ADGRF5: variants seen among roughly 807,000 people sequenced by gnomAD.
ADGRF5 encodes adhesion G protein-coupled receptor F5.
A neutral mutation model predicts 132.3 loss-of-function variants in ADGRF5; 75 were observed. That is an observed-to-expected ratio of 0.57 (90% CI 0.47 to 0.69). The LOEUF (loss-of-function observed/expected upper bound fraction) is 0.69, where lower values mean the gene tolerates loss of function less well. Among genes scored for constraint, ADGRF5 ranks in the 30% least tolerant of loss-of-function variants. The pLI, the probability that ADGRF5 is intolerant of heterozygous loss-of-function variation, is 0.00. For synonymous variants in ADGRF5, 629 were observed against 597.6 expected (o/e 1.05, Z -0.77); for missense variants, 1,516 against 1,630.6 (o/e 0.93, Z 1.21).
At chr6:46,857,338 T>C (rs1769171919) in intron 17 of ADGRF5, among the ~76,000 whole-genome samples, 1 of 152,176 alleles carries the variant, frequency 6.6e-6, no homozygotes, top group African/African-American at 2.4e-5. Flanking sequence ...AAGGTTCATA[T>C]GTTCTTGGCA....
chr6:46,882,093 G>A lies in ADGRF5; in HGVS notation c.627C>T (p.Tyr209=), dbSNP rs140241968. 9.1e-5 allele frequency: 147 copies of A among 1,610,542 alleles called. No homozygotes were observed. The African/African-American group carries it at 1.5e-3, about 17-fold the overall frequency. Residue 209 remains tyrosine, a synonymous_variant, in exon 7 of 21, where the codon TAC becomes TAT. Transcript: ENST00000283296. ...TDLETAFRKG[Y]GILPGFKGVT... is the part of the protein sequence containing the mutation. ...CGCCCTTGAAGCCTGGTAAAATTCC[G>A]TAACCCTTCCGGAACTGAAAAATAA... is the stretch of plus-strand genomic sequence containing the variant.
At chr6:46,883,422 C>T in intron 6 of ADGRF5, 137 bp downstream of exon 6, 1 of 627,714 alleles carries the variant, frequency 1.6e-6, no homozygotes, top group South Asian at 2.0e-5. Context: ...TATTAATTCA[C>T]CATCTCAGAT....
At chr6:46,921,093 G>A (rs1212695458) in intron 1 of ADGRF5, among the ~76,000 whole-genome samples, 1 of 152,196 alleles carries the variant, frequency 6.6e-6, no homozygotes. Flanking sequence ...TTCAAAACAA[G>A]TCGGCCTGGC....
chr6:46,920,830 T>G (rs564096381), intron 1 of ADGRF5, among the ~76,000 whole-genome samples: 7 of 151,964 alleles, frequency 4.6e-5, no homozygotes, highest in Non-Finnish European at 8.8e-5. Flanking sequence ...GCCACTGCAC[T>G]CCAACCTGGG....
At chr6:46,912,503 G>C (rs541408561) in intron 1 of ADGRF5, among the ~76,000 whole-genome samples, 5 of 152,130 alleles carry the variant, frequency 3.3e-5, no homozygotes, top group Non-Finnish European at 5.9e-5. Context: ...GGCAGACGGG[G>C]TGAGGTGAGC....
At chr6:46,920,035 T>C (rs1388298189) in intron 1 of ADGRF5, among the ~76,000 whole-genome samples, 3 of 152,206 alleles carry the variant, frequency 2.0e-5, no homozygotes, top group Non-Finnish European at 2.9e-5. Context: ...ATGCATTTAT[T>C]ATCCACTGAA....
chr6:46,881,979 G>T (rs960379053), intron 7 of ADGRF5, 70 bp downstream of exon 7: 1 of 1,126,776 alleles, frequency 8.9e-7, no homozygotes, highest in Non-Finnish European at 1.4e-6. Context: ...CTCTCTAGGG[G>T]GTTTACCTCC....
At chr6:46,911,699 C>T (rs10484843) in intron 1 of ADGRF5, among the ~76,000 whole-genome samples, 9,587 of 152,008 alleles carry the variant, frequency 0.063, 1,019 homozygotes, top group African/African-American at 0.22. Context: ...ATCTATTGCA[C>T]GAAGTAAATC....
chr6:46,884,115 G>A lies in ADGRF5; in HGVS notation c.485C>T (p.Pro162Leu). ...CTTACCTTCCTGAAGCAGGCAAAAA[G>A]GTCCATTGGGAGGCAGTTCTTTAAG... The part of the protein sequence containing the change: ...SCLKELPPNG[P>L]FCLLQEDVTL... The change falls in exon 5 of 21, where the codon CCT becomes CTT. Residue 162 changes from proline to leucine, a missense_variant. Pro to Leu is a moderately conservative substitution (Grantham distance 98). Around this residue, in one of 2 missense-constraint regions of ADGRF5, gnomAD observed 945 missense variants for 929.4 expected, o/e 1.02. Transcript: ENST00000283296. 6.2e-7 allele frequency: 1 copy of A among 1,613,910 alleles called. No individual in the cohort carries two copies. The highest frequency in any genetic ancestry group is 1.1e-5 in the South Asian group (1 of 91,050).
At chr6:46,881,968 C>T in intron 7 of ADGRF5, 81 bp downstream of exon 7, 1 of 1,017,632 alleles carries the variant, frequency 9.8e-7, no homozygotes, top group Middle Eastern at 2.0e-4. Context: ...ATGAATAATG[C>T]CTCTCTAGGG....
chr6:46,925,450 C>T (rs1235645225), upstream of ADGRF5, among the ~76,000 whole-genome samples: 1 of 152,198 alleles, frequency 6.6e-6, no homozygotes, highest in Non-Finnish European at 1.5e-5. Flanking sequence ...CACCTTGCAT[C>T]CCTGGACTAG....
intron 13 of ADGRF5, 46 bp from the exon 14 acceptor site, chr6:46,865,243 T>G: frequency 3.7e-6 from 5 of 1,348,218 alleles, no homozygotes; most frequent in Non-Finnish European, 4.2e-6. Flanking sequence ...CATGAGTCTC[T>G]AATGCACAAA....
chr6:46,877,226 T>TC (rs545129816), intron 10 of ADGRF5, among the ~76,000 whole-genome samples: 2 of 16,446 alleles, frequency 1.2e-4, no homozygotes, highest in African/African-American at 2.5e-4. Context: ...TTATTTCCTC[T>TC]CTTTCTTTCT....
At chr6:46,918,655 A>G (rs1776630648) in intron 1 of ADGRF5, among the ~76,000 whole-genome samples, 1 of 152,224 alleles carries the variant, frequency 6.6e-6, no homozygotes, top group Non-Finnish European at 1.5e-5. Flanking sequence ...GAGCCAACAT[A>G]TCTACAGTGA....
intron 1 of ADGRF5, among the ~76,000 whole-genome samples, chr6:46,912,186 G>A (rs758574220): frequency 2.6e-5 from 4 of 152,148 alleles, no homozygotes; most frequent in Non-Finnish European, 4.4e-5. Flanking sequence ...TAACTCAAGA[G>A]CCCATCCCTT....
rs778922968 is a variant in ADGRF5, at chr6:46,858,660, G to C, written c.3243C>G (p.Leu1081=). Residue 1081 remains leucine, a synonymous_variant, in exon 17 of 21, where the codon CTC becomes CTG. Coordinates refer to ENST00000283296, the MANE Select transcript of ADGRF5 (RefSeq NM_001098518.2). ...TGGCAGCCACACAGGCTGTCTTGCA[G>C]AGTATGTAGCGATTGTCCTGGATGG... ...VAAIQDNRYI[L]CKTACVAATF... 1.1e-5 allele frequency: 18 copies of C among 1,614,088 alleles called. No homozygotes were observed. In the South Asian group the frequency reaches 1.5e-4, roughly 14 times the overall value.
intron 4 of ADGRF5, among the ~76,000 whole-genome samples, chr6:46,886,199 G>A (rs934828186): frequency 6.6e-6 from 1 of 152,220 alleles, no homozygotes; most frequent in African/African-American, 2.4e-5. Flanking sequence ...CCAAAGGGAA[G>A]TTATCAAATA....
intron 3 of ADGRF5, among the ~76,000 whole-genome samples, chr6:46,899,392 G>A (rs537096838): frequency 6.6e-6 from 1 of 152,130 alleles, no homozygotes; most frequent in Non-Finnish European, 1.5e-5. Flanking sequence ...TCTATGCTGG[G>A]AGTGGGAGCA....
upstream of ADGRF5, among the ~76,000 whole-genome samples, chr6:46,922,730 G>C (rs896808246): frequency 6.6e-6 from 1 of 152,178 alleles, no homozygotes; most frequent in Admixed American, 6.5e-5. Context: ...CAGAAAGTTT[G>C]ATGAATGAGG....
Sources: allele counts gnomAD v4.1 joint callset (sites outside exome capture counted in the v4.1 genomes callset), GRCh38; gene constraint gnomAD v4.1.1; regional missense constraint gnomAD v4.1.1; transcripts MANE v1.5; gene names NCBI Gene and HGNC (gene_info 2026-07-23, HGNC 2026-07-21).